VPS13B: variants seen among roughly 807,000 people sequenced by gnomAD.
The protein encoded by VPS13B is intermembrane lipid transfer protein VPS13B.
In VPS13B, 285 loss-of-function variants were observed where a neutral mutation model predicts 426.4. That is an observed-to-expected ratio of 0.67 (90% confidence interval 0.61 to 0.74). The LOEUF (loss-of-function observed/expected upper bound fraction) is 0.74. Ranked by LOEUF, VPS13B falls within the 30% of genes least tolerant of loss-of-function variation. VPS13B has a pLI of 0.00. For synonymous variants in VPS13B, 1,676 were observed against 1,676.4 expected, an observed-to-expected ratio of 1.00 and a Z score of 0.01; for missense variants, 4,537 against 4,782.6, an observed-to-expected ratio of 0.95 and a Z score of 1.51.
At chr8:99,707,285 A>G (rs1317539906) in intron 36 of VPS13B, among the ~76,000 whole-genome samples, 1 of 152,160 alleles carries the variant, frequency 6.6e-6, no homozygotes, top group African/African-American at 2.4e-5. Flanking sequence ...TTCCCAAATG[A>G]AGGCAAAAAT....
intron 15 of VPS13B, among the ~76,000 whole-genome samples, chr8:99,162,292 C>T (rs1811703535): frequency 6.6e-6 from 1 of 152,166 alleles, no homozygotes; most frequent in African/African-American, 2.4e-5. Context: ...TACAGTAGTA[C>T]AGTAGAGGAT....
chr8:99,418,798 G>A (rs1217875554), intron 21 of VPS13B, among the ~76,000 whole-genome samples: 4 of 152,144 alleles, frequency 2.6e-5, no homozygotes, highest in Non-Finnish European at 5.9e-5. Context: ...TTTTGTCAAG[G>A]CCTGGTTTCT....
Position 99,467,786 on chromosome 8 carries a change from T to C in VPS13B, c.3666+152T>C, listed in dbSNP as rs78645786. 0.038 allele frequency: 29,964 copies of C among 792,242 alleles called. 718 individuals are homozygous for C. Among genetic ancestry groups the C allele is most frequent in the Middle Eastern group, 0.052 (144 of 2,762 alleles). 49.1% of individuals were successfully genotyped at this position (792,242 alleles called of 1,614,324 possible). ...TCAGGGTGGTTAGATTAAGAATTGC[T>C]TTGAAGCTCTCTCAAGTTGTGTAAT... On this transcript the variant is annotated intron_variant, in intron 24 of 61. Transcript: ENST00000357162.
intron 23 of VPS13B, among the ~76,000 whole-genome samples, chr8:99,457,918 T>C (rs1461194274): frequency 6.6e-6 from 1 of 152,050 alleles, no homozygotes; most frequent in African/African-American, 2.4e-5. Context: ...TGCTGATTTC[T>C]TTTTTTTATA....
intron 55 of VPS13B, among the ~76,000 whole-genome samples, chr8:99,849,921 A>C (rs549381042): frequency 6.9e-6 from 1 of 144,642 alleles, no homozygotes; most frequent in African/African-American, 2.7e-5. Context: ...ACATACATAC[A>C]TAAGTACGCA....
intron 58 of VPS13B, among the ~76,000 whole-genome samples, chr8:99,865,910 A>G (rs919004860): frequency 1.3e-5 from 2 of 152,220 alleles, no homozygotes; most frequent in African/African-American, 4.8e-5. Flanking sequence ...CCCAAGGCCT[A>G]GGAGCAAGTC....
chr8:99,763,682 A>G (rs907932489), intron 39 of VPS13B, among the ~76,000 whole-genome samples: 4 of 152,184 alleles, frequency 2.6e-5, no homozygotes, highest in African/African-American at 2.4e-5. Flanking sequence ...GTATAGAGGT[A>G]TTTCAGGCTG....
At chr8:99,493,228 T>C (rs1820709650) in intron 25 of VPS13B, among the ~76,000 whole-genome samples, 1 of 152,174 alleles carries the variant, frequency 6.6e-6, no homozygotes, top group African/African-American at 2.4e-5. Context: ...ATAATTCTGT[T>C]GAATTCTATA....
intron 58 of VPS13B, among the ~76,000 whole-genome samples, chr8:99,862,193 T>C (rs1182036585): frequency 6.6e-6 from 1 of 152,234 alleles, no homozygotes; most frequent in Non-Finnish European, 1.5e-5. Flanking sequence ...TTAAAAGAAA[T>C]CCTAATTTGA....
chr8:99,317,239 A>C (rs1809716829), intron 19 of VPS13B, among the ~76,000 whole-genome samples: 1 of 152,148 alleles, frequency 6.6e-6, no homozygotes, highest in African/African-American at 2.4e-5. Flanking sequence ...ACTTTAGATA[A>C]AGTTTTTTTT....
chr8:99,330,969 T>C (rs965778495), intron 19 of VPS13B, among the ~76,000 whole-genome samples: 112 of 151,980 alleles, frequency 7.4e-4, no homozygotes, highest in African/African-American at 2.6e-3. Flanking sequence ...GTATTCCTGG[T>C]AAGAATTCCT....
At chr8:99,434,236 C>A (rs1249629607) in intron 22 of VPS13B, among the ~76,000 whole-genome samples, 1 of 152,154 alleles carries the variant, frequency 6.6e-6, no homozygotes, top group African/African-American at 2.4e-5. Context: ...AGTCCCTGGT[C>A]TGTCCTACAC....
chr8:99,615,782 T>C (rs1298411232), intron 33 of VPS13B, among the ~76,000 whole-genome samples: 1 of 152,150 alleles, frequency 6.6e-6, no homozygotes, highest in Non-Finnish European at 1.5e-5. Context: ...GACGTGTGAA[T>C]GTTAAAGCCC....
chr8:99,503,101 C>A, intron 27 of VPS13B, 151 bp downstream of exon 27: 1 of 620,554 alleles, frequency 1.6e-6, no homozygotes, highest in South Asian at 2.0e-5. Context: ...CCAGACTATT[C>A]CAATAAAGTG....
At chr8:99,356,076 T>A (rs558176974) in intron 19 of VPS13B, among the ~76,000 whole-genome samples, 20 of 152,276 alleles carry the variant, frequency 1.3e-4, no homozygotes, top group African/African-American at 3.9e-4. Context: ...TTGCTTATAT[T>A]ATAATTTTTA....
intron 17 of VPS13B, among the ~76,000 whole-genome samples, chr8:99,242,018 C>T (rs1335292668): frequency 4.0e-5 from 6 of 151,848 alleles, no homozygotes; most frequent in Non-Finnish European, 7.4e-5. Flanking sequence ...TCGCTATTGT[C>T]AGCCCAGACT....
At chr8:99,835,476 T>A (rs1815340485) in intron 53 of VPS13B, 63 bp from the exon 54 acceptor site, 7 of 1,557,998 alleles carry the variant, frequency 4.5e-6, no homozygotes, top group Non-Finnish European at 6.2e-6. Context: ...CCACATTATG[T>A]TCTGTCCCCC....
Position 99,501,989 on chromosome 8 carries a change from C to T in VPS13B, c.4042+131C>T, listed in dbSNP as rs893275533. The T allele has an allele frequency of 1.1e-5, 13 of 1,137,924 alleles. No individual in the cohort carries two copies. The African/African-American group carries it at 2.1e-4, about 18-fold the overall frequency. The allele number at this position is 1,137,924 out of a possible 1,614,324, so 70.5% of individuals were successfully genotyped here. A position where few individuals can be genotyped will look rare whatever the true frequency, so the allele number is the denominator to read the frequency against. On this transcript the variant is annotated intron_variant, in intron 26 of 61. Transcript: ENST00000357162. ...TCTGTCTGTCTTTCCGTCTGTCTGT[C>T]TGTCTTTCCTTTCTGACAGAGTTTT...
At chr8:99,868,256 C>G (rs200875187) in intron 58 of VPS13B, 33 bp from the exon 59 acceptor site, 1 of 1,613,890 alleles carries the variant, frequency 6.2e-7, no homozygotes, top group African/African-American at 1.3e-5. Context: ...GATTTTAAGC[C>G]TCTGTCCTTA....
Sources: gnomAD v4.1 joint callset for allele counts (sites outside exome capture counted in the v4.1 genomes callset) on GRCh38, gnomAD v4.1.1 for gene constraint, MANE v1.5 for transcripts, NCBI Gene and HGNC (gene_info 2026-07-23, HGNC 2026-07-21) for gene names.